The following NTRK3 variants were observed in gnomAD, a reference collection of about 807,000 sequenced individuals.
The protein encoded by NTRK3 is NT-3 growth factor receptor.
A neutral mutation model predicts 91.7 loss-of-function variants in NTRK3; 24 were observed. The observed-to-expected ratio is 0.26, with a 90% confidence interval of 0.19 to 0.37. The LOEUF (loss-of-function observed/expected upper bound fraction) is 0.37. Ranked by LOEUF, NTRK3 falls within the 10% of genes least tolerant of loss-of-function variation. The probability of loss-of-function intolerance (pLI) is 1.00; values close to 1 mark genes in which losing one functional copy is unlikely to be tolerated. For missense variants in NTRK3, 880 were observed against 1,068.9 expected (o/e 0.82, Z 2.46); for synonymous variants, 483 against 404.0 (o/e 1.20, Z -2.34).
chr15:88,138,439 G>C (rs1045172596), intron 6 of NTRK3, among the ~76,000 whole-genome samples: 4 of 152,080 alleles, frequency 2.6e-5, no homozygotes, highest in African/African-American at 4.8e-5. Context: ...AGAGATATCA[G>C]CTCGAGATGC....
intron 13 of NTRK3, among the ~76,000 whole-genome samples, chr15:88,084,807 G>A (rs191107588): frequency 1.3e-5 from 2 of 152,276 alleles, no homozygotes; most frequent in East Asian, 3.9e-4. Context: ...ACTCTACAAT[G>A]GGTGCACAGC....
chr15:87,880,318 C>A (rs1361372348), exon 18 of NTRK3: 3 of 1,614,080 alleles, frequency 1.9e-6, no homozygotes, highest in Non-Finnish European at 2.5e-6. Context: ...AGGTGAAGAT[C>A]TCCCAGAGGA....
chr15:87,938,200 A>G (rs1199233279), intron 15 of NTRK3, among the ~76,000 whole-genome samples: 1 of 152,212 alleles, frequency 6.6e-6, no homozygotes, highest in African/African-American at 2.4e-5. Flanking sequence ...AGCAGGCTGT[A>G]AGCACCTTAA....
intron 14 of NTRK3, among the ~76,000 whole-genome samples, chr15:87,991,986 CA>C (rs754926446): frequency 5.9e-5 from 9 of 151,496 alleles, no homozygotes; most frequent in Non-Finnish European, 1.0e-4. Context: ...AGATGATGAA[CA>C]AATCTTGGCT....
intron 13 of NTRK3, among the ~76,000 whole-genome samples, chr15:88,085,743 C>A (rs2048441124): frequency 6.6e-6 from 1 of 152,222 alleles, no homozygotes; most frequent in Non-Finnish European, 1.5e-5. Context: ...CCACCTAAGA[C>A]CTGCGCTGGC....
intron 17 of NTRK3, among the ~76,000 whole-genome samples, chr15:87,881,653 T>C (rs1395178313): frequency 2.0e-5 from 3 of 151,918 alleles, no homozygotes; most frequent in Non-Finnish European, 4.4e-5. Flanking sequence ...TCTTCTGACC[T>C]CGTGATCCGC....
chr15:88,139,700 C>G (rs923081698), intron 6 of NTRK3, among the ~76,000 whole-genome samples: 1 of 152,088 alleles, frequency 6.6e-6, no homozygotes, highest in African/African-American at 2.4e-5. Context: ...GGGAGGGGCC[C>G]TCTCTGATGT....
chr15:87,979,239 A>G, intron 14 of NTRK3: 2 of 882,854 alleles, frequency 2.3e-6, no homozygotes, highest in Non-Finnish European at 1.9e-6. Flanking sequence ...TGCAGTTTCT[A>G]CTTAGCATCC....
chr15:88,216,477 C>T (rs1192993449), intron 3 of NTRK3, among the ~76,000 whole-genome samples: 1 of 152,182 alleles, frequency 6.6e-6, no homozygotes, highest in Non-Finnish European at 1.5e-5. Flanking sequence ...CTGGGGCTGA[C>T]CAGCCCAGCC....
chr15:88,077,542 C>G (rs2047659561), intron 13 of NTRK3, among the ~76,000 whole-genome samples: 1 of 152,088 alleles, frequency 6.6e-6, no homozygotes. Context: ...GAAGTAAGCA[C>G]CTTCCTGGGA....
At chr15:88,092,471 C>G (rs138432492) in intron 13 of NTRK3, among the ~76,000 whole-genome samples, 2 of 152,344 alleles carry the variant, frequency 1.3e-5, no homozygotes, top group East Asian at 3.9e-4. Context: ...TTCCCACCCC[C>G]TGGCATCTAT....
chr15:88,039,244 T>C (rs1465638008), intron 13 of NTRK3, among the ~76,000 whole-genome samples: 2 of 152,120 alleles, frequency 1.3e-5, no homozygotes, highest in Non-Finnish European at 1.5e-5. Context: ...ACACAATTAC[T>C]TTGTTATGCA....
At position 88,140,291 on chromosome 15, in the gene NTRK3, C is replaced by T. The variant is rs564970890; in HGVS notation, c.465-2730G>A. On this transcript the variant is annotated intron_variant, in intron 6 of 18. Coordinates refer to ENST00000394480, the Ensembl canonical transcript of NTRK3. ...ATTGCTTATAAACACAGGGTCAACA[C>T]GTACAGTTGTGTAGTTTGAGCATTT... Among the ~76,000 whole-genome samples, 12 of 152,276 alleles carry T rather than the reference C, an allele frequency of 7.9e-5. No individual in the cohort carries two copies. The South Asian group carries it at 1.0e-3, about 13-fold the overall frequency.
At chr15:87,907,200 G>A (rs1409285595) in intron 17 of NTRK3, among the ~76,000 whole-genome samples, 2 of 152,250 alleles carry the variant, frequency 1.3e-5, no homozygotes, top group South Asian at 4.2e-4. Context: ...GTTTGAACCC[G>A]ATGCGACTGA....
chr15:87,965,100 A>G (rs929760244), intron 14 of NTRK3, among the ~76,000 whole-genome samples: 2 of 152,248 alleles, frequency 1.3e-5, no homozygotes, highest in African/African-American at 2.4e-5. Context: ...GTGTATGTGC[A>G]TGTGCACGTG....
intron 14 of NTRK3, among the ~76,000 whole-genome samples, chr15:87,985,337 GA>G (rs1483927878): frequency 6.6e-6 from 1 of 152,226 alleles, no homozygotes; most frequent in African/African-American, 2.4e-5. Flanking sequence ...AAAGGTTGTT[GA>G]ATGCCAACAA....
intron 13 of NTRK3, among the ~76,000 whole-genome samples, chr15:88,065,193 A>G (rs1358389091): frequency 1.3e-5 from 2 of 152,112 alleles, no homozygotes; most frequent in African/African-American, 4.8e-5. Context: ...TAGGAGGCCA[A>G]CCAAGCACTG....
At chr15:88,116,438 TAA>T (rs869068486) in intron 13 of NTRK3, among the ~76,000 whole-genome samples, 97 of 121,488 alleles carry the variant, frequency 8.0e-4, no homozygotes, top group African/African-American at 2.2e-3. Context: ...TACAAAAATT[TAA>T]AAAAAAAAAA....
Position 88,176,865 on chromosome 15 carries a change from G to A in NTRK3, c.395+6553C>T, listed in dbSNP as rs980271121. Among the ~76,000 whole-genome samples the A allele has an allele frequency of 6.6e-5, 10 of 152,298 alleles. No individual in the cohort carries two copies. In the South Asian group the frequency reaches 8.3e-4, roughly 13 times the overall value. On this transcript the variant is annotated intron_variant, in intron 5 of 18. Transcript: ENST00000394480. ...GCAGATGATCAATAGTAATAAAGGC[G>A]AAGGAAATTATTCAGCCACATGACG...
Sources: gnomAD v4.1 joint callset for allele counts (sites outside exome capture counted in the v4.1 genomes callset) on GRCh38, gnomAD v4.1.1 for gene constraint, MANE v1.5 for transcripts, NCBI Gene and HGNC (gene_info 2026-07-23, HGNC 2026-07-21) for gene names.